The following SUPT3H variants were observed in gnomAD, a reference collection of about 807,000 sequenced individuals.
SUPT3H encodes the protein SPT3 homolog, SAGA and STAGA complex component, also known as transcription initiation protein SPT3 homolog.
A neutral mutation model predicts 44.3 loss-of-function variants in SUPT3H; 44 were observed. The ratio of observed to expected loss-of-function variants is 0.99; its 90% CI spans 0.78 to 1.28. The LOEUF (loss-of-function observed/expected upper bound fraction) is 1.28. Ranked by LOEUF, SUPT3H falls within the 50% of genes most tolerant of loss-of-function variation. The probability of loss-of-function intolerance (pLI) is 0.00; values close to 1 mark genes in which losing one functional copy is unlikely to be tolerated. For missense variants in SUPT3H, 380 were observed against 387.1 expected, an observed-to-expected ratio of 0.98 and a Z score of 0.15; for synonymous variants, 124 against 125.6, an observed-to-expected ratio of 0.99 and a Z score of 0.09.
At chr6:44,937,077 T>C (rs1035737885) in intron 9 of SUPT3H, among the ~76,000 whole-genome samples, 7 of 152,228 alleles carry the variant, frequency 4.6e-5, no homozygotes, top group Non-Finnish European at 2.9e-5. Context: ...CCAAAGTAAA[T>C]AGAAGTGCAA....
At chr6:45,284,671 A>C (rs1186455404) in intron 2 of SUPT3H, among the ~76,000 whole-genome samples, 1 of 152,246 alleles carries the variant, frequency 6.6e-6, no homozygotes, top group Non-Finnish European at 1.5e-5. Flanking sequence ...AGTTACAAGG[A>C]AGAGCTGGTA....
intron 2 of SUPT3H, among the ~76,000 whole-genome samples, chr6:45,249,523 C>G (rs1003898257): frequency 6.6e-6 from 1 of 151,870 alleles, no homozygotes; most frequent in African/African-American, 2.4e-5. Flanking sequence ...AAAGCACACC[C>G]GATGAAATAG....
At chr6:44,897,057 C>T (rs1426517727) in intron 10 of SUPT3H, among the ~76,000 whole-genome samples, 3 of 152,186 alleles carry the variant, frequency 2.0e-5, no homozygotes, top group Non-Finnish European at 4.4e-5. Flanking sequence ...ATACAAAATG[C>T]AGACTTTCTG....
intron 2 of SUPT3H, among the ~76,000 whole-genome samples, chr6:45,119,740 A>T (rs896791044): frequency 1.3e-5 from 2 of 152,182 alleles, no homozygotes; most frequent in African/African-American, 2.4e-5. Flanking sequence ...AGAAAACTTA[A>T]GATTTTCACA....
chr6:44,946,851 C>A (rs1046476423), intron 9 of SUPT3H, among the ~76,000 whole-genome samples: 1 of 152,146 alleles, frequency 6.6e-6, no homozygotes, highest in Non-Finnish European at 1.5e-5. Flanking sequence ...AGAAGTACTG[C>A]TATGGGTAAA....
chr6:45,351,503 G>A (rs1049750971), intron 2 of SUPT3H, among the ~76,000 whole-genome samples: 3 of 152,126 alleles, frequency 2.0e-5, no homozygotes, highest in Admixed American at 2.0e-4. Flanking sequence ...ACAGCACACA[G>A]AAAGGAAACT....
chr6:45,196,470 TC>T (rs1192989205), intron 2 of SUPT3H, among the ~76,000 whole-genome samples: 1 of 152,076 alleles, frequency 6.6e-6, no homozygotes, highest in Non-Finnish European at 1.5e-5. Context: ...TAGGAAGATC[TC>T]TACCAGCTGG....
downstream of SUPT3H, among the ~76,000 whole-genome samples, chr6:44,825,197 G>T (rs1210673786): frequency 6.6e-6 from 1 of 152,094 alleles, no homozygotes; most frequent in South Asian, 2.1e-4. Context: ...TATATTCATT[G>T]ATTATATACA....
At chr6:45,100,023 C>T (rs1798328684) in intron 3 of SUPT3H, among the ~76,000 whole-genome samples, 1 of 151,864 alleles carries the variant, frequency 6.6e-6, no homozygotes, top group Non-Finnish European at 1.5e-5. Context: ...TGCTGGAAAA[C>T]CTGGATGTCT....
At chr6:45,157,077 T>A (rs937647518) in intron 2 of SUPT3H, among the ~76,000 whole-genome samples, 3 of 152,134 alleles carry the variant, frequency 2.0e-5, no homozygotes, top group African/African-American at 7.2e-5. Flanking sequence ...GGCAAAAATA[T>A]TATTTATTTC....
chr6:45,127,974 A>T (rs959137068), intron 2 of SUPT3H, among the ~76,000 whole-genome samples: 1 of 152,162 alleles, frequency 6.6e-6, no homozygotes, highest in Non-Finnish European at 1.5e-5. Flanking sequence ...AAGCTCTCTT[A>T]TTAGGTGCAC....
At chr6:44,930,679 T>A (rs963562047) in intron 10 of SUPT3H, among the ~76,000 whole-genome samples, 1 of 151,662 alleles carries the variant, frequency 6.6e-6, no homozygotes, top group Non-Finnish European at 1.5e-5. Flanking sequence ...TCCTGAGGAA[T>A]AATAACACCT....
chr6:44,900,203 G>A (rs549040508), intron 10 of SUPT3H, among the ~76,000 whole-genome samples: 4 of 152,198 alleles, frequency 2.6e-5, no homozygotes, highest in South Asian at 2.1e-4. Flanking sequence ...CGCACCGAGC[G>A]TGAGCTGAAG....
At chr6:44,976,999 C>G (rs1778429125) in intron 6 of SUPT3H, among the ~76,000 whole-genome samples, 1 of 152,088 alleles carries the variant, frequency 6.6e-6, no homozygotes, top group Non-Finnish European at 1.5e-5. Flanking sequence ...TGTCAGTGCC[C>G]ACATTTTATT....
At chr6:45,120,318 C>G (rs1293738222) in intron 2 of SUPT3H, among the ~76,000 whole-genome samples, 7 of 142,748 alleles carry the variant, frequency 4.9e-5, no homozygotes, top group Non-Finnish European at 1.1e-4. Flanking sequence ...GGCATGGTGG[C>G]TTCTGTTTAT....
At chr6:45,266,917 A>T (rs1775349988) in intron 2 of SUPT3H, among the ~76,000 whole-genome samples, 1 of 152,186 alleles carries the variant, frequency 6.6e-6, no homozygotes, top group South Asian at 2.1e-4. Flanking sequence ...CTACAAGGGG[A>T]AAATTCCACA....
chr6:45,025,642 G>C, intron 3 of SUPT3H, among the ~76,000 whole-genome samples: 1 of 152,158 alleles, frequency 6.6e-6, no homozygotes, highest in Non-Finnish European at 1.5e-5. Flanking sequence ...CCAGCACTTT[G>C]GGAGGCCGAG....
At chr6:45,328,524 CTTTTTGT>C in intron 2 of SUPT3H, 2 of 1,561,934 alleles carry the variant, frequency 1.3e-6, no homozygotes, top group South Asian at 2.3e-5. Context: ...TGCTCATTCT[CTTTTTGT>C]TTTGTTTCTT....
At chr6:44,894,430 T>C (rs1044650846) in intron 10 of SUPT3H, among the ~76,000 whole-genome samples, 7 of 152,252 alleles carry the variant, frequency 4.6e-5, no homozygotes, top group Admixed American at 4.6e-4. Flanking sequence ...CAGTTTCAGC[T>C]TTCTATATAC....
Sources: gnomAD v4.1 joint callset for allele counts (sites outside exome capture counted in the v4.1 genomes callset) on GRCh38, gnomAD v4.1.1 for gene constraint, MANE v1.5 for transcripts, NCBI Gene and HGNC (gene_info 2026-07-23, HGNC 2026-07-21) for gene names.